The following TAF4B variants were observed in gnomAD, a reference collection of about 807,000 sequenced individuals.
TAF4B encodes transcription initiation factor TFIID subunit 4B.
Under a neutral mutation model 86.4 loss-of-function variants are expected in TAF4B, and 38 were observed. The ratio of observed to expected loss-of-function variants is 0.44; its 90% CI spans 0.34 to 0.58. The LOEUF is 0.58. Among genes scored for constraint, TAF4B ranks in the 20% least tolerant of loss-of-function variants. The pLI, the probability that TAF4B is intolerant of heterozygous loss-of-function variation, is 0.02. For missense variants in TAF4B, 988 were observed against 1,027.6 expected (o/e 0.96, Z 0.53); for synonymous variants, 388 against 391.2 (o/e 0.99, Z 0.10).
At position 26,239,627 on chromosome 18, in the gene TAF4B, A is replaced by G. The variant is rs562429834; in HGVS notation, c.343+12351A>G. 4.6e-5 allele frequency among the ~76,000 whole-genome samples: 7 copies of G among 152,266 alleles called. No individual in the cohort carries two copies. The East Asian group carries it at 1.3e-3, about 29-fold the overall frequency. The stretch of plus-strand genomic sequence containing the variant: ...TTTGTCAATTTTGGCTTTTGTTGCC[A>G]TTGCTTTTGGTGTTTTAGTCATGAA... On this transcript the variant is annotated intron_variant, in intron 1 of 14. Transcript: ENST00000269142.
chr18:26,246,194 G>T (rs1341066846), intron 1 of TAF4B, among the ~76,000 whole-genome samples: 1 of 152,142 alleles, frequency 6.6e-6, no homozygotes, highest in African/African-American at 2.4e-5. Context: ...AATTGAGGGG[G>T]AAGGTAGGAT....
chr18:26,238,774 G>A (rs546198301), intron 1 of TAF4B, among the ~76,000 whole-genome samples: 2 of 152,112 alleles, frequency 1.3e-5, no homozygotes, highest in African/African-American at 4.8e-5. Flanking sequence ...AGTGTGTGAT[G>A]TTCCCCACCC....
intron 14 of TAF4B, among the ~76,000 whole-genome samples, chr18:26,384,931 C>T (rs952443759): frequency 1.3e-5 from 2 of 152,082 alleles, no homozygotes; most frequent in Admixed American, 6.5e-5. Flanking sequence ...TATCTTATGC[C>T]GCCTAGCACA....
chr18:26,317,602 A>G (rs1459280566), intron 10 of TAF4B, among the ~76,000 whole-genome samples: 1 of 152,206 alleles, frequency 6.6e-6, no homozygotes, highest in African/African-American at 2.4e-5. Flanking sequence ...AAAATACCAT[A>G]AATTGGATGG....
intron 11 of TAF4B, among the ~76,000 whole-genome samples, chr18:26,325,821 T>C (rs921051589): frequency 1.2e-4 from 18 of 152,224 alleles, no homozygotes; most frequent in Admixed American, 3.3e-4. Flanking sequence ...TTGAGAATTC[T>C]TTTTGTATTA....
In TAF4B at chr18:26,322,231, A is replaced by G. The variant is rs143539250; in HGVS notation, c.2133+1031A>G. Among the ~76,000 whole-genome samples the G allele has an allele frequency of 8.0e-4, 122 of 152,264 alleles. 2 individuals are homozygous for G. The East Asian group carries it at 0.014, about 17-fold the overall frequency. ...AAAGGAAACTAGGAAATTGTCAGCT[A>G]CTACACCACCAGTAAGTTCCCTGGA... On this transcript the variant is annotated intron_variant, in intron 11 of 14. Transcript: ENST00000269142.
chr18:26,285,825 G>T, intron 6 of TAF4B, 57 bp from the exon 7 acceptor site: 1 of 1,547,950 alleles, frequency 6.5e-7, no homozygotes. Flanking sequence ...ACCACATTTT[G>T]TTTCACAAGT....
At chr18:26,255,752 G>C in intron 1 of TAF4B, 2 of 1,586,144 alleles carry the variant, frequency 1.3e-6, no homozygotes, top group Admixed American at 3.3e-5. Flanking sequence ...CTGGCTTCTC[G>C]GCAGCTGCTT....
In TAF4B at chr18:26,227,167, C is replaced by T. The variant is rs1302916631; in HGVS notation, c.234C>T (p.Ala78=). 1.9e-6 allele frequency: 3 copies of T among 1,614,002 alleles called. No individual in the cohort carries two copies. Among genetic ancestry groups the T allele is most frequent in the Non-Finnish European group, 2.5e-6 (3 of 1,180,022 alleles). ...TGACCAAAGTGGCTCCGGTCAGCGC[C>T]CCTCCTAAAGTCAGCAGCGGCCCTA... ...TLVTKVAPVS[A]PPKVSSGPRL... Residue 78 remains alanine (A), a synonymous_variant, in exon 1 of 15, where the codon GCC becomes GCT. Transcript: ENST00000269142.
At position 26,306,069 on chromosome 18, in the gene TAF4B, G is replaced by A. The variant is rs554879538; in HGVS notation, c.1833-9160G>A. ...GAAAAACTGAATTGCAAGGATCACGGTCTGTGGTGTTAGGGATCCGTGCTC... is the reference window on the plus strand; with the variant it reads ...GAAAAACTGAATTGCAAGGATCACGATCTGTGGTGTTAGGGATCCGTGCTC... On this transcript the variant is annotated intron_variant, in intron 9 of 14. Transcript: ENST00000269142. Among the ~76,000 whole-genome samples, 96 of 152,312 alleles carry A rather than the reference G, an allele frequency of 6.3e-4. 1 individual carries two copies. The highest frequency in any genetic ancestry group is 2.3e-3 in the African/African-American group (94 of 41,578).
intron 11 of TAF4B, among the ~76,000 whole-genome samples, chr18:26,323,559 A>G (rs1225048201): frequency 2.0e-5 from 3 of 147,814 alleles, no homozygotes; most frequent in Non-Finnish European, 4.5e-5. Flanking sequence ...ACAGGGGCTC[A>G]CTATGTTGCC....
intron 14 of TAF4B, among the ~76,000 whole-genome samples, chr18:26,386,954 A>G (rs1978409489): frequency 6.6e-6 from 1 of 152,242 alleles, no homozygotes; most frequent in Non-Finnish European, 1.5e-5. Flanking sequence ...ATAAAACACC[A>G]AAGTACTGAT....
intron 11 of TAF4B, among the ~76,000 whole-genome samples, chr18:26,321,428 G>A (rs935212953): frequency 6.6e-6 from 1 of 152,060 alleles, no homozygotes; most frequent in African/African-American, 2.4e-5. Context: ...ATTGAAATAT[G>A]TATCTGTTCT....
At chr18:26,280,043 CAA>C (rs34693562) in intron 5 of TAF4B, among the ~76,000 whole-genome samples, 236 of 144,558 alleles carry the variant, frequency 1.6e-3, no homozygotes, top group Non-Finnish European at 1.5e-3. Flanking sequence ...GACTCTATCT[CAA>C]AAAAAAAAAA....
chr18:26,285,666 A>G (rs2056510833), intron 6 of TAF4B, among the ~76,000 whole-genome samples: 2 of 152,352 alleles, frequency 1.3e-5, no homozygotes, highest in Non-Finnish European at 2.9e-5. Flanking sequence ...ATACTGAGAT[A>G]TAGTAATTTC....
chr18:26,315,161 T>TGTCTCTCTCTCTCACA, intron 9 of TAF4B, 68 bp from the exon 10 acceptor site: 1 of 216,250 alleles, frequency 4.6e-6, no homozygotes, highest in Non-Finnish European at 7.0e-6. Flanking sequence ...TCTCTCTCTC[T>TGTCTCTCTCTCTCACA]CACACACACA....
intron 13 of TAF4B, among the ~76,000 whole-genome samples, chr18:26,347,808 A>AAAAT (rs1330602895): frequency 2.6e-5 from 4 of 152,250 alleles, no homozygotes; most frequent in Non-Finnish European, 5.9e-5. Flanking sequence ...ACTTCAAGAC[A>AAAAT]AAATGGTAAA....
In TAF4B at chr18:26,315,132, C is replaced by G. The variant is rs866852785; in HGVS notation, c.1833-97C>G. The G allele has an allele frequency of 0.054, 17,134 of 316,654 alleles. 278 individuals are homozygous for G. Among genetic ancestry groups the G allele is most frequent in the Non-Finnish European group, 0.06 (12,135 of 201,238 alleles). The allele number at this position is 316,654 out of a possible 1,614,324, so 19.6% of individuals were successfully genotyped here. On this transcript the variant is annotated intron_variant, in intron 9 of 14. Coordinates refer to ENST00000269142, the MANE Select transcript of TAF4B (RefSeq NM_005640.3). ...TCTCTCTCTCTCTCTCTCTCTCTCT[C>G]TCTCTCTCTCTCTGTCTCTCTCTCT...
rs567218798 is a variant in TAF4B, at chr18:26,260,240, A to C, written c.344-4930A>C. On this transcript the variant is annotated intron_variant, in intron 1 of 14. Transcript: ENST00000269142. Reference sequence around the variant, plus strand: ...CTCCCATTCTGTAGGTTGCCTGTTCACTCTGATGGTAGTTTCTTTTGCTGT... The same window carrying C: ...CTCCCATTCTGTAGGTTGCCTGTTCCCTCTGATGGTAGTTTCTTTTGCTGT... Among the ~76,000 whole-genome samples the C allele has an allele frequency of 1.4e-4, 21 of 152,054 alleles. 2 individuals are homozygous for C. In the South Asian group the frequency reaches 4.4e-3, roughly 32 times the overall value.
Sources: gnomAD v4.1 joint callset for allele counts (sites outside exome capture counted in the v4.1 genomes callset) on GRCh38, gnomAD v4.1.1 for gene constraint, MANE v1.5 for transcripts, NCBI Gene and HGNC (gene_info 2026-07-23, HGNC 2026-07-21) for gene names.